Variants in DIP2B observed in about 807,000 individuals in gnomAD.
DIP2B encodes DIP2 acetate--CoA ligase B (putative), also known as disco-interacting protein 2 homolog B.
In DIP2B, 76 loss-of-function variants were observed where a neutral mutation model predicts 198.0. The ratio of observed to expected loss-of-function variants is 0.38; its 90% CI spans 0.32 to 0.46. DIP2B has a LOEUF of 0.46. Ranked by LOEUF, DIP2B falls within the 20% of genes least tolerant of loss-of-function variation. DIP2B has a pLI of 0.99. For missense variants in DIP2B, 1,559 were observed against 1,978.4 expected, an observed-to-expected ratio of 0.79 and a Z score of 4.02; for synonymous variants, 701 against 739.1, an observed-to-expected ratio of 0.95 and a Z score of 0.84.
rs117487308 is a variant in DIP2B, at chr12:50,524,952, T to A, written c.100+19712T>A. Among the ~76,000 whole-genome samples, 1,003 of 152,308 alleles carry A rather than the reference T, an allele frequency of 6.6e-3. 39 individuals are homozygous for A. The highest frequency in any genetic ancestry group is 0.048 in the Admixed American group (728 of 15,286). On this transcript the variant is annotated intron_variant, in intron 1 of 37. Transcript: ENST00000301180. ...TGTTTCCCAGGCTAGTCTCAAATTC[T>A]TGGGCTCGAGCAATCCTCTTGCCTT...
chr12:50,619,616 C>T (rs764280216), intron 1 of DIP2B, among the ~76,000 whole-genome samples: 1 of 152,190 alleles, frequency 6.6e-6, no homozygotes, highest in African/African-American at 2.4e-5. Flanking sequence ...TGTGCCTCTT[C>T]TCTGCGACAT....
At chr12:50,661,054 TC>T (rs1357675739) in intron 4 of DIP2B, among the ~76,000 whole-genome samples, 1 of 152,160 alleles carries the variant, frequency 6.6e-6, no homozygotes, top group Non-Finnish European at 1.5e-5. Context: ...TCTTGTCTGT[TC>T]AGAATCTCTC....
chr12:50,517,251 A>T lies in DIP2B; in HGVS notation c.100+12011A>T, dbSNP rs146658626. On this transcript the variant is annotated intron_variant, in intron 1 of 37. Coordinates refer to ENST00000301180, the MANE Select transcript of DIP2B (RefSeq NM_173602.3). ...TTGTTTTAATTAGATTTTTTTTTTT[A>T]AATTAAATAGAGATGGGGTTTTGCA... 5.5e-3 allele frequency among the ~76,000 whole-genome samples: 827 copies of T among 149,696 alleles called. 8 individuals are homozygous for T. Among genetic ancestry groups the T allele is most frequent in the African/African-American group, 0.019 (753 of 40,128 alleles).
At chr12:50,506,210 T>C (rs991199041) in intron 1 of DIP2B, among the ~76,000 whole-genome samples, 1 of 152,136 alleles carries the variant, frequency 6.6e-6, no homozygotes, top group African/African-American at 2.4e-5. Context: ...AAAGCAGCAT[T>C]TTCTCCAAGC....
At chr12:50,698,113 T>C (rs2700483) in intron 17 of DIP2B, among the ~76,000 whole-genome samples, 145,644 of 152,160 alleles carry the variant, frequency 0.96, 70,043 homozygotes, top group East Asian at 1. Context: ...CCAGGCTGGT[T>C]TTGAACTCCT....
At chr12:50,592,047 T>C (rs1305753288) in intron 1 of DIP2B, among the ~76,000 whole-genome samples, 1 of 151,816 alleles carries the variant, frequency 6.6e-6, no homozygotes, top group African/African-American at 2.4e-5. Context: ...CCAGCTAATT[T>C]TTGTGTTTTT....
At chr12:50,560,195 C>A (rs1424530596) in intron 1 of DIP2B, among the ~76,000 whole-genome samples, 1 of 151,248 alleles carries the variant, frequency 6.6e-6, no homozygotes, top group Non-Finnish European at 1.5e-5. Flanking sequence ...GAGATCGAGA[C>A]CATCTTGGCT....
At chr12:50,625,199 C>CT (rs1232428984) in intron 1 of DIP2B, among the ~76,000 whole-genome samples, 34 of 152,202 alleles carry the variant, frequency 2.2e-4, no homozygotes, top group Non-Finnish European at 1.5e-5. Context: ...CTCATTCTCC[C>CT]TTAACGTCCT....
At chr12:50,511,291 A>ATTTTT (rs71083581) in intron 1 of DIP2B, among the ~76,000 whole-genome samples, 1,891 of 64,488 alleles carry the variant, frequency 0.029, 405 homozygotes, top group African/African-American at 0.087. Context: ...TGTGATTTCT[A>ATTTTT]TTTTTTTTTT....
Position 50,721,293 on chromosome 12 carries a change from C to T in DIP2B, c.3063C>T (p.Ala1021=). The T allele has an allele frequency of 6.2e-7, 1 of 1,614,092 alleles. No homozygotes were observed. Among genetic ancestry groups the T allele is most frequent in the Non-Finnish European group, 8.5e-7 (1 of 1,179,992 alleles). The part of the protein sequence containing the change: ...LNAKGTTVCT[A]SCLQLHKRAE... ...TAAAGGGAACCACTGTATGCACAGCCAGCTGCCTTCAGCTTCATAAGCGAG... is the reference window on the plus strand; with the variant it reads ...TAAAGGGAACCACTGTATGCACAGCTAGCTGCCTTCAGCTTCATAAGCGAG... The change falls in exon 26 of 38, where the codon GCC becomes GCT. Residue 1021 remains alanine (A), a synonymous_variant. Coordinates refer to ENST00000301180, the MANE Select transcript of DIP2B (RefSeq NM_173602.3).
At chr12:50,620,302 A>C (rs1018992302) in intron 1 of DIP2B, among the ~76,000 whole-genome samples, 2 of 152,124 alleles carry the variant, frequency 1.3e-5, no homozygotes, top group Non-Finnish European at 2.9e-5. Context: ...CAACTTGAAG[A>C]TGATTTGTGG....
At chr12:50,647,595 C>T (rs1215133991) in intron 3 of DIP2B, among the ~76,000 whole-genome samples, 3 of 152,190 alleles carry the variant, frequency 2.0e-5, no homozygotes, top group Non-Finnish European at 4.4e-5. Flanking sequence ...GGAAAAATGG[C>T]ATGACTGCTT....
At position 50,625,988 on chromosome 12, in the gene DIP2B, A is replaced by G; in HGVS notation, c.113A>G (p.Gln38Arg). The change falls in exon 2 of 38, where the codon CAG (glutamine) becomes CGG (arginine). Residue 38 changes from glutamine (Q) to arginine (R), a missense_variant. By Grantham distance (43) the Gln-to-Arg change is conservative. Coordinates refer to ENST00000301180, the MANE Select transcript of DIP2B (RefSeq NM_173602.3). ...CTTGCTATTTTAGGGGACATCACCC[A>G]GAAGGGCTATGAAAAGAAAAGGTCC... ...ELELSEGDIT[Q>R]KGYEKKRSKL... 6.2e-7 allele frequency: 1 copy of G among 1,614,176 alleles called. No homozygotes were observed. Among genetic ancestry groups the G allele is most frequent in the Non-Finnish European group, 8.5e-7 (1 of 1,180,002 alleles).
Position 50,618,326 on chromosome 12 carries a change from C to CA in DIP2B, c.101-7648dup, listed in dbSNP as rs567567197. Among the ~76,000 whole-genome samples the CA allele has an allele frequency of 8.4e-4, 128 of 152,284 alleles. 1 individual carries two copies. The highest frequency in any genetic ancestry group is 2.9e-3 in the African/African-American group (122 of 41,544). On this transcript the variant is annotated intron_variant, in intron 1 of 37. Transcript: ENST00000301180. ...GATTTCGTGGTGAGGCACAAACGGC[C>CA]AAGTCCTACCTCAGGTTAGGCTGCA...
chr12:50,609,363 C>T (rs895491360), intron 1 of DIP2B, among the ~76,000 whole-genome samples: 2 of 152,042 alleles, frequency 1.3e-5, no homozygotes, highest in Non-Finnish European at 2.9e-5. Flanking sequence ...TAGTGAAGAC[C>T]CCAAATAACA....
Position 50,746,466 on chromosome 12 carries a change from T to C in DIP2B, c.*1627T>C, listed in dbSNP as rs536111124. 1 of 152,336 alleles carries C rather than the reference T, an allele frequency of 6.6e-6. No homozygotes were observed. The highest frequency in any genetic ancestry group is 6.5e-5 in the Admixed American group (1 of 15,300). The allele number at this position is 152,336 out of a possible 1,614,324, so 9.4% of individuals were successfully genotyped here. A position where few individuals can be genotyped will look rare whatever the true frequency, so the allele number is the denominator to read the frequency against. ...GGTTTATAATGCAAAGACCAGCTCC[T>C]TTGCGGTGGCAGTGCTCTAGGGCTG... On this transcript the variant is annotated 3_prime_UTR_variant, in exon 38 of 38. Coordinates refer to ENST00000301180, the MANE Select transcript of DIP2B (RefSeq NM_173602.3).
chr12:50,533,425 A>G (rs932426426), intron 1 of DIP2B, among the ~76,000 whole-genome samples: 8 of 151,964 alleles, frequency 5.3e-5, no homozygotes, highest in African/African-American at 1.9e-4. Context: ...GGGTGAGGGT[A>G]GCGTCGAACT....
intron 1 of DIP2B, among the ~76,000 whole-genome samples, chr12:50,520,363 C>G (rs1307335607): frequency 6.6e-6 from 1 of 152,136 alleles, no homozygotes; most frequent in African/African-American, 2.4e-5. Context: ...AAAATCAACC[C>G]AGCAAGGAAT....
chr12:50,725,943 A>T (rs1939925759), intron 28 of DIP2B, among the ~76,000 whole-genome samples: 1 of 151,582 alleles, frequency 6.6e-6, no homozygotes, highest in South Asian at 2.1e-4. Flanking sequence ...TGGGTTTTTT[A>T]AATATTTGTT....
Sources: gnomAD v4.1 joint callset for allele counts (sites outside exome capture counted in the v4.1 genomes callset) on GRCh38, gnomAD v4.1.1 for gene constraint, MANE v1.5 for transcripts, NCBI Gene and HGNC (gene_info 2026-07-23, HGNC 2026-07-21) for gene names.